ZNF569: variants seen among roughly 807,000 people sequenced by gnomAD.
ZNF569 encodes the protein zinc finger protein 569.
A neutral mutation model predicts 56.3 loss-of-function variants in ZNF569; 38 were observed. That is an observed-to-expected ratio of 0.68 (90% CI 0.52 to 0.88). The LOEUF is 0.88. Among genes scored for constraint, ZNF569 ranks in the 40% least tolerant of loss-of-function variants. ZNF569 has a pLI of 0.00. For missense variants in ZNF569, 666 were observed against 809.2 expected, an observed-to-expected ratio of 0.82 and a Z score of 2.15; for synonymous variants, 241 against 262.9, an observed-to-expected ratio of 0.92 and a Z score of 0.81.
intron 2 of ZNF569, among the ~76,000 whole-genome samples, chr19:37,463,578 T>C (rs1392181122): frequency 6.6e-6 from 1 of 152,262 alleles, no homozygotes; most frequent in Non-Finnish European, 1.5e-5. Context: ...CTGCTTTATG[T>C]ATTTACTATA....
chr19:37,446,549 CAAA>C (rs74174464), intron 2 of ZNF569, among the ~76,000 whole-genome samples: 5 of 60,446 alleles, frequency 8.3e-5, no homozygotes, highest in African/African-American at 1.3e-4. Flanking sequence ...GACTCCATCT[CAAA>C]AAAAAAAAAA....
chr19:37,429,699 C>T (rs967614742), intron 3 of ZNF569, among the ~76,000 whole-genome samples: 1 of 152,168 alleles, frequency 6.6e-6, no homozygotes, highest in African/African-American at 2.4e-5. Context: ...CATAGTGAGG[C>T]TATTAAAGTC....
At chr19:37,425,455 G>A (rs1053887693) in intron 5 of ZNF569, among the ~76,000 whole-genome samples, 1 of 151,362 alleles carries the variant, frequency 6.6e-6, no homozygotes, top group Non-Finnish European at 1.5e-5. Context: ...CCAAGTAGCT[G>A]GGACTACAGG....
chr19:37,415,936 T>C (rs1292336708), intron 5 of ZNF569, among the ~76,000 whole-genome samples: 2 of 150,846 alleles, frequency 1.3e-5, no homozygotes, highest in Non-Finnish European at 3.0e-5. Context: ...TTGCCCCTCT[T>C]TTCTTAATTA....
At chr19:37,438,510 T>C (rs542032549) in intron 3 of ZNF569, among the ~76,000 whole-genome samples, 8 of 152,216 alleles carry the variant, frequency 5.3e-5, no homozygotes, top group Non-Finnish European at 7.4e-5. Flanking sequence ...GAGAAATATA[T>C]TGGGGAAAGA....
rs1253033741 is a variant in ZNF569, at chr19:37,413,395, G to A, written c.1263C>T (p.His421=). Reference sequence around the variant, plus strand: ...TCTGGTGTGTAATGAAGTTTTTCTTGTGGCTGAAGGCTTTTCTGCATTCCT... The same window carrying A: ...TCTGGTGTGTAATGAAGTTTTTCTTATGGCTGAAGGCTTTTCTGCATTCCT... ...ECKECRKAFS[H]KKNFITHQKI... Residue 421 remains histidine (H), a synonymous_variant, in exon 6 of 6, where the codon CAC becomes CAT. Transcript: ENST00000316950. The A allele has an allele frequency of 3.1e-6, 5 of 1,611,106 alleles. No homozygotes were observed. The highest frequency in any genetic ancestry group is 4.2e-6 in the Non-Finnish European group (5 of 1,179,172).
intron 2 of ZNF569, among the ~76,000 whole-genome samples, chr19:37,454,501 T>C (rs537719482): frequency 2.8e-4 from 43 of 152,248 alleles, no homozygotes; most frequent in African/African-American, 9.4e-4. Flanking sequence ...CCCAGAGATA[T>C]TACTTTTTTT....
rs565886241 is a variant in ZNF569 at position 37,414,168 on chromosome 19, G to A, written c.490C>T (p.His164Tyr). 3 of 1,613,234 alleles carry A rather than the reference G, an allele frequency of 1.9e-6. No homozygotes were observed. The highest frequency in any genetic ancestry group is 2.5e-6 in the Non-Finnish European group (3 of 1,179,698). ...NNVKCLMRKEHCEYNEPVKSY... is the reference protein window; with the variant it reads ...NNVKCLMRKEYCEYNEPVKSY... ...TTCACAGGTTCATTATATTCACAAT[G>A]CTCCTTTCTCATAAGGCATTTCACA... The change falls in exon 6 of 6, where the codon CAT becomes TAT. Residue 164 changes from histidine (H) to tyrosine (Y), a missense_variant. Coordinates refer to ENST00000316950, the MANE Select transcript of ZNF569 (RefSeq NM_152484.3).
chr19:37,459,105 A>G (rs1261086683), intron 2 of ZNF569, among the ~76,000 whole-genome samples: 1 of 152,174 alleles, frequency 6.6e-6, no homozygotes, highest in African/African-American at 2.4e-5. Flanking sequence ...CCAATTAGAA[A>G]ACCAAAAGGA....
chr19:37,443,091 C>T (rs150686618), intron 3 of ZNF569, among the ~76,000 whole-genome samples: 190 of 152,342 alleles, frequency 1.2e-3, no homozygotes, highest in African/African-American at 3.9e-3. Context: ...CTGAGGCTCA[C>T]GCCTGTAATC....
At chr19:37,442,432 G>A (rs2041421991) in intron 3 of ZNF569, among the ~76,000 whole-genome samples, 1 of 152,180 alleles carries the variant, frequency 6.6e-6, no homozygotes, top group Non-Finnish European at 1.5e-5. Flanking sequence ...GTGAATGAGG[G>A]AGAATGTAGC....
intron 5 of ZNF569, among the ~76,000 whole-genome samples, chr19:37,423,538 T>A (rs1389101225): frequency 6.6e-6 from 1 of 152,122 alleles, no homozygotes; most frequent in East Asian, 1.9e-4. Flanking sequence ...ATTGTGATAA[T>A]CTCCTATAGG....
chr19:37,427,098 C>T (rs1482642114), intron 3 of ZNF569, among the ~76,000 whole-genome samples: 1 of 152,018 alleles, frequency 6.6e-6, no homozygotes, highest in Non-Finnish European at 1.5e-5. Flanking sequence ...CGTGAAAATC[C>T]CTTGAGCCCA....
chr19:37,458,480 C>T (rs1484550667), intron 2 of ZNF569, among the ~76,000 whole-genome samples: 1 of 152,182 alleles, frequency 6.6e-6, no homozygotes, highest in Non-Finnish European at 1.5e-5. Flanking sequence ...TTGCCTTTGA[C>T]CAATACCTTC....
At position 37,413,210 on chromosome 19, in the gene ZNF569, G is replaced by A; in HGVS notation, c.1448C>T (p.Ala483Val). The A allele has an allele frequency of 1.2e-6, 2 of 1,608,318 alleles. No homozygotes were observed. The highest frequency in any genetic ancestry group is 1.7e-6 in the Non-Finnish European group (2 of 1,178,124). The change falls in exon 6 of 6, where the codon GCT becomes GTT. Residue 483 changes from alanine (A) to valine (V), a missense_variant. Physicochemically the swap from Ala to Val is moderately conservative, Grantham distance 64 (BLOSUM62 0). Transcript: ENST00000316950. The stretch of plus-strand genomic sequence containing the variant: ...CTCTCCAGAATGAATTTTTTCATGA[G>A]CAATGAGATTTGATTTCTGGCTAAA... ...KAFSQKSNLI[A>V]HEKIHSGEKP...
rs891863013 is a variant in ZNF569, at chr19:37,437,812, T to C, written c.15+7095A>G. On this transcript the variant is annotated intron_variant, in intron 3 of 5. Coordinates refer to ENST00000316950, the MANE Select transcript of ZNF569 (RefSeq NM_152484.3). ...AATTATAAAGCACTGATGAAAAAAA[T>C]TGAAGAGGACACACACAAAAAAATG... is the stretch of plus-strand genomic sequence containing the variant. 1.3e-4 allele frequency among the ~76,000 whole-genome samples: 19 copies of C among 142,986 alleles called. 1 individual carries two copies. The highest frequency in any genetic ancestry group is 1.3e-3 in the Admixed American group (18 of 14,278). The allele number at this position is 142,986 out of a possible 152,430, so 93.8% of individuals were successfully genotyped here. A position where few individuals can be genotyped will look rare whatever the true frequency, so the allele number is the denominator to read the frequency against.
intron 3 of ZNF569, among the ~76,000 whole-genome samples, chr19:37,439,861 C>T (rs974074316): frequency 7.9e-5 from 12 of 152,036 alleles, no homozygotes; most frequent in African/African-American, 2.2e-4. Flanking sequence ...ATTAAAACAA[C>T]GGAACTCATG....
intron 3 of ZNF569, chr19:37,427,905 A>G (rs1040427639): frequency 1.8e-4 from 79 of 438,212 alleles, no homozygotes; most frequent in Non-Finnish European, 3.1e-4. Flanking sequence ...CACCAATTAC[A>G]GGGAAGAACA....
upstream of ZNF569, among the ~76,000 whole-genome samples, chr19:37,468,793 A>G (rs978832567): frequency 1.3e-5 from 2 of 152,200 alleles, no homozygotes; most frequent in African/African-American, 4.8e-5. Context: ...GGCGTGAGCC[A>G]CCGTGCCAGG....
Sources: gnomAD v4.1 joint callset for allele counts (sites outside exome capture counted in the v4.1 genomes callset) on GRCh38, gnomAD v4.1.1 for gene constraint, MANE v1.5 for transcripts, NCBI Gene and HGNC (gene_info 2026-07-23, HGNC 2026-07-21) for gene names.